The following ICA1L variants were observed in gnomAD, a reference collection of about 807,000 sequenced individuals.
ICA1L encodes the protein islet cell autoantigen 1-like protein.
A neutral mutation model predicts 61.3 loss-of-function variants in ICA1L; 50 were observed. The ratio of observed to expected loss-of-function variants is 0.82; its 90% confidence interval spans 0.65 to 1.03. The LOEUF is 1.03. Ranked by LOEUF, ICA1L falls within the 50% of genes least tolerant of loss-of-function variation. The probability of loss-of-function intolerance (pLI) is 0.00; values close to 1 mark genes in which losing one functional copy is unlikely to be tolerated. For synonymous variants in ICA1L, 161 were observed against 191.3 expected (o/e 0.84, Z 1.31); for missense variants, 508 against 556.7 (o/e 0.91, Z 0.88).
chr2:202,802,258 T>C (rs993042977), intron 9 of ICA1L, among the ~76,000 whole-genome samples: 2 of 152,178 alleles, frequency 1.3e-5, no homozygotes, highest in Admixed American at 1.3e-4. Flanking sequence ...AGAACTTACC[T>C]AGAATGTACT....
chr2:202,852,713 AC>A (rs1173613891), intron 1 of ICA1L, among the ~76,000 whole-genome samples: 1 of 145,716 alleles, frequency 6.9e-6, no homozygotes, highest in Non-Finnish European at 1.5e-5. Flanking sequence ...CTATTTCTCC[AC>A]ATCCTCTCCA....
Position 202,779,456 on chromosome 2 carries a change from A to G in ICA1L, c.*77T>C. ...ACCGTGCTTTTGTGTGCGGGTTACAATCTAAATCCTTTCCACGAAGGAAAT... is the reference window on the plus strand; with the variant it reads ...ACCGTGCTTTTGTGTGCGGGTTACAGTCTAAATCCTTTCCACGAAGGAAAT... On this transcript the variant is annotated 3_prime_UTR_variant, in exon 13 of 13. Coordinates refer to ENST00000358299, the MANE Select transcript of ICA1L (RefSeq NM_001288622.3). 4 of 874,920 alleles carry G rather than the reference A, an allele frequency of 4.6e-6. No homozygotes were observed. Among genetic ancestry groups the G allele is most frequent in the Non-Finnish European group, 7.3e-6 (4 of 546,638 alleles). The allele number at this position is 874,920 out of a possible 1,614,324, so 54.2% of individuals were successfully genotyped here.
intron 1 of ICA1L, among the ~76,000 whole-genome samples, chr2:202,867,246 G>T (rs1424815678): frequency 6.6e-6 from 1 of 152,108 alleles, no homozygotes; most frequent in East Asian, 1.9e-4. Flanking sequence ...ACTAACAAAA[G>T]ATATTCATAT....
At chr2:202,846,680 T>A (rs1349019357) in intron 1 of ICA1L, among the ~76,000 whole-genome samples, 1 of 152,118 alleles carries the variant, frequency 6.6e-6, no homozygotes, top group Non-Finnish European at 1.5e-5. Context: ...CAAATGTTGA[T>A]AAAAAATAAC....
intron 1 of ICA1L, among the ~76,000 whole-genome samples, chr2:202,869,824 G>A (rs1245303905): frequency 1.3e-5 from 2 of 151,966 alleles, no homozygotes; most frequent in East Asian, 3.9e-4. Context: ...CATAGAAGGT[G>A]ACTAAATTTT....
intron 1 of ICA1L, among the ~76,000 whole-genome samples, chr2:202,837,158 T>C (rs1694175753): frequency 1.3e-5 from 2 of 151,090 alleles, no homozygotes; most frequent in South Asian, 4.2e-4. Context: ...TCATTTTTTA[T>C]AGTAGTCTAT....
intron 3 of ICA1L, among the ~76,000 whole-genome samples, chr2:202,825,058 A>G (rs1693800184): frequency 1.3e-5 from 2 of 152,352 alleles, no homozygotes; most frequent in Admixed American, 1.3e-4. Context: ...GAGATCATGA[A>G]TACAGACAAT....
intron 10 of ICA1L, among the ~76,000 whole-genome samples, chr2:202,796,038 T>TAAAA (rs946498142): frequency 7.3e-6 from 1 of 136,288 alleles, no homozygotes. Flanking sequence ...GCGAGACTGT[T>TAAAA]AAAAAAAAAA....
chr2:202,817,891 G>C (rs1016557244), intron 5 of ICA1L, among the ~76,000 whole-genome samples: 2 of 152,120 alleles, frequency 1.3e-5, no homozygotes, highest in Non-Finnish European at 2.9e-5. Flanking sequence ...AATGGAAAGG[G>C]GACCTCGTTA....
At chr2:202,862,073 T>C (rs1178651806) in intron 1 of ICA1L, among the ~76,000 whole-genome samples, 1 of 148,740 alleles carries the variant, frequency 6.7e-6, no homozygotes, top group Non-Finnish European at 1.5e-5. Flanking sequence ...AAACAGACCA[T>C]ATGCTAGGCA....
At chr2:202,859,679 T>C (rs1694859281) in intron 1 of ICA1L, among the ~76,000 whole-genome samples, 1 of 152,220 alleles carries the variant, frequency 6.6e-6, no homozygotes, top group African/African-American at 2.4e-5. Flanking sequence ...AATATTCTTA[T>C]GAAAGGACTA....
rs188391493 is a variant in ICA1L, at chr2:202,773,578, A to C, written c.*5955T>G. On this transcript the variant is annotated 3_prime_UTR_variant, in exon 13 of 13. Transcript: ENST00000358299. ...GAGTACAATAAAAGAAGCGTCTGCA[A>C]CTTAAGCCGTCCACAGTCCTAAGCC... 2.8e-4 allele frequency: 130 copies of C among 470,062 alleles called. No individual in the cohort carries two copies. Among genetic ancestry groups the C allele is most frequent in the Middle Eastern group, 1.0e-3 (2 of 1,934 alleles). 29.1% of individuals were successfully genotyped at this position (470,062 alleles called of 1,614,324 possible).
intron 4 of ICA1L, 55 bp downstream of exon 4, chr2:202,821,303 T>C (rs924856819): frequency 5.1e-6 from 8 of 1,574,400 alleles, no homozygotes; most frequent in South Asian, 2.3e-5. Flanking sequence ...TAAGTACACA[T>C]GTCAAAACTG....
chr2:202,835,185 T>C (rs1694112557), intron 1 of ICA1L, among the ~76,000 whole-genome samples: 1 of 151,706 alleles, frequency 6.6e-6, no homozygotes, highest in Admixed American at 6.6e-5. Flanking sequence ...TACTAGCTAC[T>C]GTCAATGGCA....
intron 1 of ICA1L, among the ~76,000 whole-genome samples, chr2:202,865,776 A>C (rs1574391982): frequency 1.3e-5 from 2 of 152,174 alleles, no homozygotes. Flanking sequence ...ATTAGTAGCA[A>C]ACAATTAGGA....
At chr2:202,831,181 T>G (rs1359017048) in intron 1 of ICA1L, among the ~76,000 whole-genome samples, 1 of 152,180 alleles carries the variant, frequency 6.6e-6, no homozygotes, top group Non-Finnish European at 1.5e-5. Flanking sequence ...CCTCCCATAT[T>G]CCTGGGCAGT....
At chr2:202,850,759 T>C (rs1026528251) in intron 1 of ICA1L, among the ~76,000 whole-genome samples, 1 of 152,010 alleles carries the variant, frequency 6.6e-6, no homozygotes, top group African/African-American at 2.4e-5. Context: ...GCAAGAAAGG[T>C]TGACATTCAA....
At chr2:202,811,903 C>A (rs1574345682) in intron 8 of ICA1L, 114 bp from the exon 9 acceptor site, 1 of 748,338 alleles carries the variant, frequency 1.3e-6, no homozygotes, top group South Asian at 1.6e-5. Flanking sequence ...AACATAAAAT[C>A]ATTGTCCACT....
intron 10 of ICA1L, among the ~76,000 whole-genome samples, chr2:202,794,803 G>GA (rs1234502801): frequency 5.3e-5 from 8 of 150,668 alleles, no homozygotes; most frequent in Non-Finnish European, 3.0e-5. Context: ...AAACCTGTAT[G>GA]AAAAAAAAAG....
Sources: allele counts gnomAD v4.1 joint callset (sites outside exome capture counted in the v4.1 genomes callset), GRCh38; gene constraint gnomAD v4.1.1; transcripts MANE v1.5; gene names NCBI Gene and HGNC (gene_info 2026-07-23, HGNC 2026-07-21).